APBA1: variants seen among roughly 807,000 people sequenced by gnomAD.
APBA1 encodes amyloid beta precursor protein binding family A member 1, also known as amyloid-beta A4 precursor protein-binding family A member 1.
APBA1 carries 55 observed loss-of-function variants against 86.6 expected under a neutral mutation model. The ratio of observed to expected loss-of-function variants is 0.64; its 90% CI spans 0.51 to 0.80. The LOEUF is 0.80. Ranked by LOEUF, APBA1 falls within the 30% of genes least tolerant of loss-of-function variation. APBA1 has a pLI of 0.00. For synonymous variants in APBA1, 511 were observed against 493.9 expected (o/e 1.03, Z -0.46); for missense variants, 1,090 against 1,183.0 (o/e 0.92, Z 1.15).
At chr9:69,468,904 G>A (rs181632213) in intron 4 of APBA1, among the ~76,000 whole-genome samples, 47 of 149,076 alleles carry the variant, frequency 3.2e-4, no homozygotes, top group Admixed American at 1.2e-3. Context: ...TCACTCTCTC[G>A]CTAAGGCTGG....
At chr9:69,563,194 A>G (rs1175256375) in intron 1 of APBA1, among the ~76,000 whole-genome samples, 2 of 152,184 alleles carry the variant, frequency 1.3e-5, no homozygotes, top group Admixed American at 6.5e-5. Context: ...TGAATCATAT[A>G]TTTTCACTTT....
intron 10 of APBA1, among the ~76,000 whole-genome samples, chr9:69,445,150 C>T (rs1039148072): frequency 1.3e-5 from 2 of 152,186 alleles, no homozygotes; most frequent in African/African-American, 2.4e-5. Context: ...TCTATTTTCT[C>T]AATGTTGCCT....
chr9:69,559,014 C>T (rs1836907956), intron 1 of APBA1, among the ~76,000 whole-genome samples: 1 of 152,128 alleles, frequency 6.6e-6, no homozygotes, highest in African/African-American at 2.4e-5. Context: ...CTTTTTAACC[C>T]CCACTCCTCA....
At chr9:69,444,674 G>A (rs569063247) in intron 10 of APBA1, among the ~76,000 whole-genome samples, 4 of 152,262 alleles carry the variant, frequency 2.6e-5, no homozygotes, top group African/African-American at 9.6e-5. Flanking sequence ...AATTTAAAGT[G>A]GGCTTCTTTT....
At chr9:69,513,219 T>G (rs1302063735) in intron 2 of APBA1, among the ~76,000 whole-genome samples, 1 of 152,232 alleles carries the variant, frequency 6.6e-6, no homozygotes, top group African/African-American at 2.4e-5. Context: ...TATAATTAAT[T>G]TCACCTTTTG....
At chr9:69,532,126 C>A (rs1282143157) in intron 1 of APBA1, among the ~76,000 whole-genome samples, 1 of 152,106 alleles carries the variant, frequency 6.6e-6, no homozygotes, top group East Asian at 1.9e-4. Flanking sequence ...AACAAATGTA[C>A]CACTCTGGTA....
At chr9:69,642,277 A>G (rs1308594343) in intron 1 of APBA1, among the ~76,000 whole-genome samples, 1 of 152,246 alleles carries the variant, frequency 6.6e-6, no homozygotes, top group Non-Finnish European at 1.5e-5. Flanking sequence ...ATAAGATGAC[A>G]AACAAGCCAC....
At chr9:69,566,026 C>A (rs1285070583) in intron 1 of APBA1, among the ~76,000 whole-genome samples, 1 of 152,214 alleles carries the variant, frequency 6.6e-6, no homozygotes, top group Non-Finnish European at 1.5e-5. Flanking sequence ...ACCCCTATTC[C>A]CAGCTTCAGA....
chr9:69,526,685 G>A lies in APBA1; in HGVS notation c.-69-9406C>T, dbSNP rs142953173. 2.6e-4 allele frequency among the ~76,000 whole-genome samples: 39 copies of A among 152,096 alleles called. 1 individual carries two copies. The highest frequency in any genetic ancestry group is 3.9e-4 in the African/African-American group (16 of 41,504). On this transcript the variant is annotated intron_variant, in intron 1 of 12. Coordinates refer to ENST00000265381, the MANE Select transcript of APBA1 (RefSeq NM_001163.4). ...GAGATTTCTCAGAGAACTACAATTC[G>A]ACCCAGCAATCCCACTGCTGGGTAT...
chr9:69,544,476 T>C (rs1341949478), intron 1 of APBA1, among the ~76,000 whole-genome samples: 3 of 152,210 alleles, frequency 2.0e-5, no homozygotes, highest in Non-Finnish European at 4.4e-5. Context: ...TTCATGATAA[T>C]ATAAGAAAAT....
chr9:69,511,731 T>C (rs1408851072), intron 2 of APBA1, among the ~76,000 whole-genome samples: 1 of 151,516 alleles, frequency 6.6e-6, no homozygotes, highest in Admixed American at 6.6e-5. Flanking sequence ...CACCATGGAA[T>C]ACTATGCAGC....
intron 2 of APBA1, among the ~76,000 whole-genome samples, chr9:69,487,632 T>G (rs1835632694): frequency 6.6e-6 from 1 of 152,014 alleles, no homozygotes; most frequent in Non-Finnish European, 1.5e-5. Context: ...AATGGGTTAT[T>G]GAGGGAACGG....
chr9:69,614,801 T>C (rs1018786617), intron 1 of APBA1, among the ~76,000 whole-genome samples: 2 of 152,224 alleles, frequency 1.3e-5, no homozygotes, highest in African/African-American at 4.8e-5. Context: ...ACAAAATTAA[T>C]TACATGAAAT....
intron 1 of APBA1, among the ~76,000 whole-genome samples, chr9:69,572,622 T>G (rs1158481464): frequency 6.6e-6 from 1 of 152,232 alleles, no homozygotes; most frequent in South Asian, 2.1e-4. Flanking sequence ...ACCTCTTGTC[T>G]GGGCTAGGTG....
chr9:69,617,591 T>C (rs918148408), intron 1 of APBA1, among the ~76,000 whole-genome samples: 1 of 151,992 alleles, frequency 6.6e-6, no homozygotes, highest in African/African-American at 2.4e-5. Context: ...ATGATACAGA[T>C]TTGCTGTAGG....
intron 1 of APBA1, among the ~76,000 whole-genome samples, chr9:69,523,638 T>G (rs1303169064): frequency 6.6e-6 from 1 of 150,764 alleles, no homozygotes; most frequent in Non-Finnish European, 1.5e-5. Flanking sequence ...GTAGGGGACT[T>G]CAACACCCCA....
intron 1 of APBA1, among the ~76,000 whole-genome samples, chr9:69,557,125 T>C (rs769006205): frequency 7.9e-5 from 12 of 152,224 alleles, no homozygotes; most frequent in African/African-American, 1.2e-4. Flanking sequence ...TCATGAATAC[T>C]ATTATTCATA....
chr9:69,516,697 G>A lies in APBA1; in HGVS notation c.514C>T (p.His172Tyr), dbSNP rs1337780893. The change falls in exon 2 of 13, where the codon CAC (histidine) becomes TAC (tyrosine). Residue 172 changes from histidine to tyrosine, a missense_variant. His to Tyr is a moderately conservative substitution (Grantham distance 83). Around this residue, in one of 6 missense-constraint regions of APBA1, gnomAD observed 678 missense variants for 647.1 expected, o/e 1.05. Transcript: ENST00000265381. The surrounding 1 kb of genome is among the most constrained non-coding windows in gnomAD (Gnocchi z 7.3). ...TCCTCACCGCGGTGGAAGAGCCGGT[G>A]CGTGTAGACGTAGCCTGAGTAGGCC... Reference protein sequence around the residue: ...NAAYSGYVYTHRLFHRGEDEP... With the variant: ...NAAYSGYVYTYRLFHRGEDEP... 2 of 1,610,756 alleles carry A rather than the reference G, an allele frequency of 1.2e-6. No homozygotes were observed. The highest frequency in any genetic ancestry group is 1.7e-6 in the Non-Finnish European group (2 of 1,179,092).
intron 1 of APBA1, among the ~76,000 whole-genome samples, chr9:69,544,856 C>T (rs1432285543): frequency 4.6e-5 from 7 of 152,180 alleles, no homozygotes; most frequent in African/African-American, 1.7e-4. Flanking sequence ...CACCCACCCC[C>T]CTGCACCCAC....
Sources: allele counts gnomAD v4.1 joint callset (sites outside exome capture counted in the v4.1 genomes callset), GRCh38; gene constraint gnomAD v4.1.1; regional missense constraint gnomAD v4.1.1; non-coding constraint Gnocchi (gnomAD v3.1); transcripts MANE v1.5; gene names NCBI Gene and HGNC (gene_info 2026-07-23, HGNC 2026-07-21).